FSIP2: variants seen among roughly 807,000 people sequenced by gnomAD.
FSIP2 encodes fibrous sheath-interacting protein 2.
FSIP2 carries 367 observed loss-of-function variants against 510.5 expected under a neutral mutation model. That is an observed-to-expected ratio of 0.72 (90% confidence interval 0.66 to 0.78). FSIP2 has a LOEUF of 0.78. Among genes scored for constraint, FSIP2 ranks in the 30% least tolerant of loss-of-function variants. FSIP2 has a pLI of 0.00. For synonymous variants in FSIP2, 2,601 were observed against 2,732.2 expected, an observed-to-expected ratio of 0.95 and a Z score of 1.50; for missense variants, 7,594 against 7,901.7, an observed-to-expected ratio of 0.96 and a Z score of 1.48.
chr2:185,784,341 G>A (rs1024618311), intron 14 of FSIP2, among the ~76,000 whole-genome samples: 1 of 152,086 alleles, frequency 6.6e-6, no homozygotes, highest in Non-Finnish European at 1.5e-5. Flanking sequence ...GAAGACTGTG[G>A]TTAAAACTTG....
chr2:185,742,182 T>A (rs933971056), intron 2 of FSIP2, among the ~76,000 whole-genome samples: 4 of 152,188 alleles, frequency 2.6e-5, no homozygotes, highest in Non-Finnish European at 2.9e-5. Context: ...AAAGAAGAGA[T>A]GTAAAAACAG....
intron 2 of FSIP2, among the ~76,000 whole-genome samples, chr2:185,739,793 G>A: frequency 6.6e-6 from 1 of 152,076 alleles, no homozygotes; most frequent in East Asian, 1.9e-4. Context: ...ATGTTTAGAA[G>A]CTGAAAGGTT....
chr2:185,741,787 C>G (rs1352749347), intron 2 of FSIP2, among the ~76,000 whole-genome samples: 2 of 152,166 alleles, frequency 1.3e-5, no homozygotes, highest in African/African-American at 2.4e-5. Context: ...CTTTTAAATG[C>G]AAAGGAAGAG....
In FSIP2 at chr2:185,805,183, A is replaced by G; in HGVS notation, c.15877A>G (p.Ile5293Val). 1 of 1,608,352 alleles carries G rather than the reference A, an allele frequency of 6.2e-7. No individual in the cohort carries two copies. The highest frequency in any genetic ancestry group is 1.3e-5 in the African/African-American group (1 of 74,636). Residue 5293 changes from isoleucine (I) to valine (V), a missense_variant, in exon 17 of 23, where the codon ATT becomes GTT. Coordinates refer to ENST00000424728, the MANE Select transcript of FSIP2 (RefSeq NM_173651.4). Reference sequence around the variant, plus strand: ...TGTTCACAAATTTTGTTCTCTCCTCATTATTACTGAAGATTCTAAGAAAAA... The same window carrying G: ...TGTTCACAAATTTTGTTCTCTCCTCGTTATTACTGAAGATTCTAAGAAAAA... ...DLVHKFCSLL[I>V]ITEDSKKNEM...
At position 185,800,040 on chromosome 2, in the gene FSIP2, T is replaced by G; in HGVS notation, c.10734T>G (p.Ile3578Met). Residue 3578 changes from isoleucine to methionine, a missense_variant, in exon 17 of 23, where the codon ATT (isoleucine) becomes ATG (methionine). By Grantham distance (10) the Ile-to-Met change is conservative. Transcript: ENST00000424728. ...LFNNKIIQAD[I>M]AQKMVAIPTK... ...ATAATAAAATTATACAGGCTGACAT[T>G]GCACAGAAAATGGTTGCCATACCTA... The G allele has an allele frequency of 6.5e-7, 1 of 1,528,470 alleles. No homozygotes were observed. The highest frequency in any genetic ancestry group is 2.5e-5 in the East Asian group (1 of 40,796). The allele number at this position is 1,528,470 out of a possible 1,614,324, so 94.7% of individuals were successfully genotyped here.
chr2:185,829,964 T>A (rs940297447), intron 21 of FSIP2, among the ~76,000 whole-genome samples: 1 of 151,888 alleles, frequency 6.6e-6, no homozygotes, highest in African/African-American at 2.4e-5. Flanking sequence ...TGAAGTTACA[T>A]AGACAAAAGT....
rs1327718395 is a variant in FSIP2, at chr2:185,799,891, G to A, written c.10585G>A (p.Glu3529Lys). Residue 3529 changes from glutamate (E) to lysine (K), a missense_variant, in exon 17 of 23, where the codon GAA becomes AAA. By Grantham distance (56) the Glu-to-Lys change is moderately conservative. Transcript: ENST00000424728. ...GGGTAGAGAAAAAGAGAAAGCATGGGAAATTCAAGAAGCAACATTTAGCAA... is the reference window on the plus strand; with the variant it reads ...GGGTAGAGAAAAAGAGAAAGCATGGAAAATTCAAGAAGCAACATTTAGCAA... ...KKGREKEKAW[E>K]IQEATFSKII... is the part of the protein sequence containing the mutation. 2.0e-6 allele frequency: 3 copies of A among 1,533,654 alleles called. No homozygotes were observed. The highest frequency in any genetic ancestry group is 1.4e-5 in the African/African-American group (1 of 72,946).
chr2:185,815,312 A>G, intron 18 of FSIP2, 59 bp from the exon 19 acceptor site: 1 of 796,788 alleles, frequency 1.3e-6, no homozygotes, highest in Non-Finnish European at 2.1e-6. Context: ...AAATGCCATA[A>G]GGTAAGAAAA....
At chr2:185,782,681 T>C in intron 13 of FSIP2, 24 bp from the exon 14 acceptor site, 1 of 1,420,142 alleles carries the variant, frequency 7.0e-7, no homozygotes, top group South Asian at 1.2e-5. Flanking sequence ...ACAAACTATG[T>C]AATTTTATTT....
intron 4 of FSIP2, chr2:185,744,925 G>A (rs1019168462): frequency 2.6e-5 from 4 of 152,962 alleles, no homozygotes; most frequent in Non-Finnish European, 4.4e-5. Flanking sequence ...AGAGTGAATG[G>A]TTATGGATAG....
At position 185,815,452 on chromosome 2, in the gene FSIP2, GATCTCATTTC is replaced by G; in HGVS notation, c.20412_20421del (p.Ile6805LeufsTer16). 1 of 1,446,330 alleles carries G rather than the reference GATCTCATTTC, an allele frequency of 6.9e-7. No homozygotes were observed. Among genetic ancestry groups the G allele is most frequent in the Non-Finnish European group, 9.6e-7 (1 of 1,045,468 alleles). The allele number at this position is 1,446,330 out of a possible 1,614,324, so 89.6% of individuals were successfully genotyped here. ...GAGTTCATCTTCATACAACCAAGAAGATCTCATTTCATCTACTGGGTATATGAAATTAAAG... is the reference window on the plus strand; with the variant it reads ...GAGTTCATCTTCATACAACCAAGAAGATCTACTGGGTATATGAAATTAAAG... On this transcript the variant is annotated frameshift_variant, in exon 19 of 23. Transcript: ENST00000424728. LOFTEE classifies it high-confidence loss of function.
At position 185,796,901 on chromosome 2, in the gene FSIP2, T is replaced by G. The variant is rs1693297986; in HGVS notation, c.9765T>G (p.Asp3255Glu). The G allele has an allele frequency of 6.5e-7, 1 of 1,535,066 alleles. No individual in the cohort carries two copies. Among genetic ancestry groups the G allele is most frequent in the African/African-American group, 1.4e-5 (1 of 73,046 alleles). The change falls in exon 16 of 23, where the codon GAT (aspartate) becomes GAG (glutamate). Residue 3255 changes from aspartate (D) to glutamate (E), a missense_variant. Physicochemically the swap from Asp to Glu is conservative, Grantham distance 45 (BLOSUM62 2). Coordinates refer to ENST00000424728, the MANE Select transcript of FSIP2 (RefSeq NM_173651.4). ...RPRESNFGSF[D>E]QTMKGNSYLP... ...GGGAATCTAACTTTGGTAGTTTTGA[T>G]CAGACCATGAAAGGAAATAGCTACC...
rs774591969 is a variant in FSIP2 at position 185,803,900 on chromosome 2, A to T, written c.14594A>T (p.Asp4865Val). The change falls in exon 17 of 23, where the codon GAT becomes GTT. Residue 4865 changes from aspartate to valine, a missense_variant. Asp to Val is a radical substitution (Grantham distance 152). Transcript: ENST00000424728. ...GCAAAAGATATCCAGTCTATGGTTG[A>T]TTCCATTTATGCTGATCTTTCTCAT... is the stretch of plus-strand genomic sequence containing the variant. The part of the protein sequence containing the change: ...ISAKDIQSMV[D>V]SIYADLSHSN... 5.2e-6 allele frequency: 8 copies of T among 1,526,298 alleles called. No individual in the cohort carries two copies. The highest frequency in any genetic ancestry group is 1.7e-4 in the Middle Eastern group (1 of 5,954). The allele number at this position is 1,526,298 out of a possible 1,614,324, so 94.5% of individuals were successfully genotyped here.
intron 6 of FSIP2, 60 bp downstream of exon 6, chr2:185,746,870 AAAT>A (rs1692044956): frequency 1.6e-6 from 2 of 1,221,424 alleles, no homozygotes; most frequent in Non-Finnish European, 2.2e-6. Context: ...TTGCATTTGT[AAAT>A]AATTTTAACT....
In FSIP2 at chr2:185,794,800, T is replaced by G. The variant is rs1559028893; in HGVS notation, c.7664T>G (p.Val2555Gly). Residue 2555 changes from valine (V) to glycine (G), a missense_variant, in exon 16 of 23, where the codon GTG becomes GGG. Transcript: ENST00000424728. ...TTGGGGAAAATGTACTTGGTAGTTG[T>G]GACATCATTATATGAAAATAATAAA... Reference protein sequence around the residue: ...SVLGKMYLVVVTSLYENNKSR... With the variant: ...SVLGKMYLVVGTSLYENNKSR... The G allele has an allele frequency of 6.5e-7, 1 of 1,533,696 alleles. No individual in the cohort carries two copies. Among genetic ancestry groups the G allele is most frequent in the Non-Finnish European group, 8.7e-7 (1 of 1,145,212 alleles).
In FSIP2 at chr2:185,813,990, A is replaced by G; in HGVS notation, c.20273A>G (p.Lys6758Arg). The G allele has an allele frequency of 1.2e-6, 2 of 1,613,428 alleles. No homozygotes were observed. Among genetic ancestry groups the G allele is most frequent in the Non-Finnish European group, 1.7e-6 (2 of 1,179,632 alleles). Residue 6758 changes from lysine (K) to arginine (R), a missense_variant, in exon 18 of 23, where the codon AAG becomes AGG. Coordinates refer to ENST00000424728, the MANE Select transcript of FSIP2 (RefSeq NM_173651.4). Reference sequence around the variant, plus strand: ...GCTGAGCTTGACATGGCCACACCAAAGACGATGCCTGAAACAGCCTCTTCA... The same window carrying G: ...GCTGAGCTTGACATGGCCACACCAAGGACGATGCCTGAAACAGCCTCTTCA... Reference protein sequence around the residue: ...AVAELDMATPKTMPETASSSW... With the variant: ...AVAELDMATPRTMPETASSSW...
At chr2:185,799,392 T>C (rs1418929818) in intron 16 of FSIP2, among the ~76,000 whole-genome samples, 1 of 151,848 alleles carries the variant, frequency 6.6e-6, no homozygotes, top group Non-Finnish European at 1.5e-5. Flanking sequence ...CTGGAAATTA[T>C]TTCTCTGCCC....
In FSIP2 at chr2:185,786,425, C is replaced by T. The variant is rs143233661; in HGVS notation, c.1506+137C>T. On this transcript the variant is annotated intron_variant, in intron 15 of 22. Coordinates refer to ENST00000424728, the MANE Select transcript of FSIP2 (RefSeq NM_173651.4). ...TTAGGCTTCCTTTTTGCCCCTTTTT[C>T]TTCATTGAAGTCTACTTTCAGTTAA... The T allele has an allele frequency of 2.3e-3, 1,394 of 613,750 alleles. 15 individuals carry two copies. The highest frequency in any genetic ancestry group is 0.022 in the African/African-American group (1,192 of 54,220). The allele number at this position is 613,750 out of a possible 1,614,324, so 38.0% of individuals were successfully genotyped here.
chr2:185,763,053 T>G lies in FSIP2; in HGVS notation c.1241-130T>G, dbSNP rs997482285. On this transcript the variant is annotated intron_variant, in intron 11 of 22. Transcript: ENST00000424728. ...TATTTCCTTGACTCAAATAAATCCC[T>G]GATTGTGGCAATTCTAGTCACTGTG... The G allele has an allele frequency of 2.4e-5, 14 of 578,152 alleles. No homozygotes were observed. In the African/African-American group the frequency reaches 2.6e-4, roughly 11 times the overall value. The allele number at this position is 578,152 out of a possible 1,614,324, so 35.8% of individuals were successfully genotyped here. A position where few individuals can be genotyped will look rare whatever the true frequency, so the allele number is the denominator to read the frequency against.
Sources: allele counts gnomAD v4.1 joint callset (sites outside exome capture counted in the v4.1 genomes callset), GRCh38; gene constraint gnomAD v4.1.1; transcripts MANE v1.5; gene names NCBI Gene and HGNC (gene_info 2026-07-23, HGNC 2026-07-21).